Variants in SLC16A2 observed in about 807,000 individuals in gnomAD.
SLC16A2 encodes the protein monocarboxylate transporter 8.
SLC16A2 carries 3 observed loss-of-function variants against 27.2 expected under a neutral mutation model. The observed-to-expected ratio is 0.11, with a 90% CI of 0.05 to 0.28. SLC16A2 has a LOEUF of 0.28. SLC16A2 is among the 10% of genes least tolerant of loss of function. The probability of loss-of-function intolerance (pLI) is 1.00; values close to 1 mark genes in which losing one functional copy is unlikely to be tolerated. For missense variants in SLC16A2, 295 were observed against 458.5 expected (o/e 0.64, Z 3.26); for synonymous variants, 202 against 187.8 (o/e 1.08, Z -0.62).
At chrX:74,453,836 G>A (rs1602112911) in intron 1 of SLC16A2, among the ~76,000 whole-genome samples, 1 of 111,476 alleles carries the variant, frequency 9.0e-6, no homozygotes, top group African/African-American at 3.3e-5. Flanking sequence ...GGGACCACAC[G>A]CGTGTGCCAC....
intron 1 of SLC16A2, among the ~76,000 whole-genome samples, chrX:74,470,646 C>A (rs528966048): frequency 2.1e-4 from 24 of 111,883 alleles, no homozygotes; most frequent in African/African-American, 7.2e-4. Flanking sequence ...TTAGATTTGC[C>A]TTTAAAAATA....
chrX:74,503,600 G>A (rs1406655973), intron 1 of SLC16A2, among the ~76,000 whole-genome samples: 1 of 111,887 alleles, frequency 8.9e-6, no homozygotes, highest in Non-Finnish European at 1.9e-5. Context: ...GCATGCCATA[G>A]ATAATGCAGC....
At chrX:74,483,700 A>T (rs1055498941) in intron 1 of SLC16A2, among the ~76,000 whole-genome samples, 2 of 111,468 alleles carry the variant, frequency 1.8e-5, no homozygotes, top group Non-Finnish European at 3.8e-5. Flanking sequence ...TTCCAGAATG[A>T]CACCCCTGCT....
chrX:74,432,816 T>C (rs1329318818), intron 1 of SLC16A2, among the ~76,000 whole-genome samples: 3 of 111,851 alleles, frequency 2.7e-5, no homozygotes, highest in Non-Finnish European at 5.6e-5. Flanking sequence ...TCTTCTCCCC[T>C]TTCTCTCTCC....
chrX:74,439,209 C>CTTT (rs1928687221), intron 1 of SLC16A2, among the ~76,000 whole-genome samples: 1 of 48,679 alleles, frequency 2.1e-5, no homozygotes, highest in Non-Finnish European at 3.2e-5. Flanking sequence ...TTTCTTTCTT[C>CTTT]CTTCCTTCCT....
intron 1 of SLC16A2, among the ~76,000 whole-genome samples, chrX:74,481,101 T>G (rs781340840): frequency 5.3e-5 from 6 of 112,373 alleles, no homozygotes; most frequent in African/African-American, 1.9e-4. Flanking sequence ...TGATTTATAA[T>G]TTTTTCTATA....
At chrX:74,507,836 G>C (rs1019951958) in intron 1 of SLC16A2, among the ~76,000 whole-genome samples, 5 of 112,150 alleles carry the variant, frequency 4.5e-5, no homozygotes, top group African/African-American at 1.3e-4. Flanking sequence ...CATTCTTTTT[G>C]ATGGCCAAAT....
chrX:74,431,938 A>G (rs1428373508), intron 1 of SLC16A2, among the ~76,000 whole-genome samples: 3 of 111,432 alleles, frequency 2.7e-5, no homozygotes, highest in South Asian at 3.8e-4. Flanking sequence ...TTCTTCTGCA[A>G]TTTGACCCCT....
chrX:74,474,732 TG>T (rs886347265), intron 1 of SLC16A2, among the ~76,000 whole-genome samples: 5 of 110,772 alleles, frequency 4.5e-5, no homozygotes, highest in African/African-American at 1.6e-4. Context: ...ATGCCGTGTT[TG>T]GTTTTTTGTC....
At chrX:74,438,556 G>C (rs774992595) in intron 1 of SLC16A2, among the ~76,000 whole-genome samples, 3 of 112,258 alleles carry the variant, frequency 2.7e-5, no homozygotes, top group Admixed American at 9.4e-5. Flanking sequence ...TTATCCACAT[G>C]GATATACTTT....
chrX:74,519,292 C>T (rs896702922), intron 1 of SLC16A2, among the ~76,000 whole-genome samples: 1 of 108,346 alleles, frequency 9.2e-6, no homozygotes, highest in African/African-American at 3.3e-5. Flanking sequence ...ATTCTCCTGC[C>T]TCAGCCTCGC....
In SLC16A2 at chrX:74,503,244, G is replaced by A. The variant is rs534685878; in HGVS notation, c.431-17746G>A. 2.7e-5 allele frequency among the ~76,000 whole-genome samples: 3 copies of A among 110,649 alleles called. No homozygotes were observed. In the South Asian group the frequency reaches 1.2e-3, roughly 43 times the overall value. Reference sequence around the variant, plus strand: ...ACCTTCTCTTCAGCCACCTCACACAGACCCAATTAAAAGGAGATGGGGAGT... The same window carrying A: ...ACCTTCTCTTCAGCCACCTCACACAAACCCAATTAAAAGGAGATGGGGAGT... On this transcript the variant is annotated intron_variant, in intron 1 of 5. Transcript: ENST00000587091.
chrX:74,431,505 A>G (rs1381907203), intron 1 of SLC16A2, among the ~76,000 whole-genome samples: 1 of 111,668 alleles, frequency 9.0e-6, no homozygotes, highest in Non-Finnish European at 1.9e-5. Flanking sequence ...CAGTTTACAA[A>G]CTACCCATCA....
chrX:74,487,381 G>T (rs779139210), intron 1 of SLC16A2, among the ~76,000 whole-genome samples: 32 of 111,345 alleles, frequency 2.9e-4, no homozygotes, highest in Non-Finnish European at 5.5e-4. Flanking sequence ...TTCATCTGGG[G>T]TGCTCTACTT....
chrX:74,444,118 G>A (rs1928800234), intron 1 of SLC16A2, among the ~76,000 whole-genome samples: 1 of 111,502 alleles, frequency 9.0e-6, no homozygotes, highest in South Asian at 3.8e-4. Flanking sequence ...AGGGAAAGGA[G>A]TTTCCCTGGG....
chrX:74,530,806 G>A (rs1264448247), intron 5 of SLC16A2, among the ~76,000 whole-genome samples: 2 of 112,218 alleles, frequency 1.8e-5, no homozygotes, highest in African/African-American at 6.5e-5. Flanking sequence ...CATATCCTTG[G>A]TTTGGCAGCT....
chrX:74,499,344 C>T (rs570267286), intron 1 of SLC16A2, among the ~76,000 whole-genome samples: 1 of 110,947 alleles, frequency 9.0e-6, no homozygotes, highest in South Asian at 3.9e-4. Context: ...GCATTCCCAG[C>T]CCCACAGAAT....
intron 2 of SLC16A2, 50 bp downstream of exon 2, chrX:74,521,184 T>A: frequency 1.7e-6 from 2 of 1,188,470 alleles, no homozygotes; most frequent in Non-Finnish European, 2.3e-6. Context: ...GGTTGGTTTT[T>A]TTCTGGGCTT....
At chrX:74,490,786 C>G (rs935918154) in intron 1 of SLC16A2, among the ~76,000 whole-genome samples, 9 of 111,974 alleles carry the variant, frequency 8.0e-5, no homozygotes, top group African/African-American at 2.6e-4. Context: ...CATGCAAATG[C>G]ACACAGACAA....
Sources: allele counts gnomAD v4.1 joint callset (sites outside exome capture counted in the v4.1 genomes callset), GRCh38; gene constraint gnomAD v4.1.1; transcripts MANE v1.5; gene names NCBI Gene and HGNC (gene_info 2026-07-23, HGNC 2026-07-21).